Variants in EPAS1 observed in about 807,000 individuals in gnomAD.
The protein encoded by EPAS1 is endothelial PAS domain protein 1.
EPAS1 carries 23 observed loss-of-function variants against 87.9 expected under a neutral mutation model. That is an observed-to-expected ratio of 0.26 (90% confidence interval 0.19 to 0.37). EPAS1 has a LOEUF of 0.37. EPAS1 is among the 10% of genes least tolerant of loss of function. The probability of loss-of-function intolerance (pLI) is 1.00; values close to 1 mark genes in which losing one functional copy is unlikely to be tolerated. For synonymous variants in EPAS1, 508 were observed against 444.3 expected (o/e 1.14, Z -1.80); for missense variants, 1,138 against 1,120.7 (o/e 1.02, Z -0.22).
chr2:46,327,654 T>G (rs1419039454), intron 1 of EPAS1, among the ~76,000 whole-genome samples: 5 of 152,234 alleles, frequency 3.3e-5, no homozygotes, highest in Non-Finnish European at 4.4e-5. Context: ...ATGGAAGCTA[T>G]AAAGAGGCTC....
chr2:46,325,319 T>C (rs4953344), intron 1 of EPAS1, among the ~76,000 whole-genome samples: 20,855 of 152,236 alleles, frequency 0.14, 1,807 homozygotes, highest in Admixed American at 0.25. Flanking sequence ...TTTTGTCCTA[T>C]CCATTGCAGA....
At chr2:46,366,176 G>T (rs745655224) in intron 6 of EPAS1, among the ~76,000 whole-genome samples, 7 of 152,256 alleles carry the variant, frequency 4.6e-5, no homozygotes, top group African/African-American at 1.7e-4. Flanking sequence ...GAAGAAGAGC[G>T]AGCCTTCTCA....
Position 46,371,971 on chromosome 2 carries a change from A to G in EPAS1, c.886+2038A>G, listed in dbSNP as rs1266991771. On this transcript the variant is annotated intron_variant, in intron 7 of 15. Transcript: ENST00000263734. This position sits in a 1 kb window ranked among gnomAD's most constrained non-coding sequence, Gnocchi z 4.3. ...AATTGTGACTTCTGACTAGGCATAT[A>G]GAAAGGATTTTCCCTCTTGTTCTTC... Among the ~76,000 whole-genome samples, 1 of 152,236 alleles carries G rather than the reference A, an allele frequency of 6.6e-6. No homozygotes were observed. The highest frequency in any genetic ancestry group is 2.4e-5 in the African/African-American group (1 of 41,472).
intron 1 of EPAS1, among the ~76,000 whole-genome samples, chr2:46,345,211 C>T (rs1683999787): frequency 6.6e-6 from 1 of 152,070 alleles, no homozygotes; most frequent in Admixed American, 6.6e-5. Context: ...AACTCCTGGG[C>T]CCAGGTGATT....
intron 15 of EPAS1, among the ~76,000 whole-genome samples, chr2:46,383,064 G>A (rs572309281): frequency 3.9e-5 from 6 of 152,320 alleles, no homozygotes; most frequent in Middle Eastern, 6.8e-3. Context: ...GGGATCTCCC[G>A]TCTATGCAAG....
chr2:46,381,852 G>A (rs924742670), intron 13 of EPAS1, 123 bp from the exon 14 acceptor site: 16 of 1,543,752 alleles, frequency 1.0e-5, no homozygotes, highest in Non-Finnish European at 1.4e-5. Context: ...GCTGAGAGGG[G>A]TGGGGATGTG....
intron 8 of EPAS1, among the ~76,000 whole-genome samples, 162 bp from the exon 9 acceptor site, chr2:46,376,377 G>A (rs112302666): frequency 1.3e-5 from 2 of 152,280 alleles, no homozygotes; most frequent in South Asian, 2.1e-4. Context: ...TACCTCCATG[G>A]CTCACACACT....
rs1052075936 is a variant in EPAS1 at position 46,382,562 on chromosome 2, C to T, written c.2425C>T (p.Gln809Ter). 8 of 1,614,016 alleles carry T rather than the reference C, an allele frequency of 5.0e-6. No individual in the cohort carries two copies. The highest frequency in any genetic ancestry group is 5.9e-6 in the Non-Finnish European group (7 of 1,180,056). ...CCCACAGTGCTACGCCACCCAGTAC[C>T]AGGACTACAGCCTGTCGTCAGCCCA... is the stretch of plus-strand genomic sequence containing the variant. The part of the protein sequence containing the change: ...FPPQCYATQY[Q>*]DYSLSSAHKV... The change falls in exon 15 of 16, where the codon CAG (glutamine) becomes TAG (stop). Residue 809 changes from glutamine to a stop codon, truncating the protein, a stop_gained. Coordinates refer to ENST00000263734, the MANE Select transcript of EPAS1 (RefSeq NM_001430.5). LOFTEE classifies it high-confidence loss of function.
At position 46,304,700 on chromosome 2, in the gene EPAS1, T is replaced by C. The variant is rs139817003; in HGVS notation, c.26+6763T>C. Among the ~76,000 whole-genome samples, 196 of 152,320 alleles carry C rather than the reference T, an allele frequency of 1.3e-3. 1 individual carries two copies. The highest frequency in any genetic ancestry group is 4.6e-3 in the African/African-American group (190 of 41,590). On this transcript the variant is annotated intron_variant, in intron 1 of 15. Coordinates refer to ENST00000263734, the MANE Select transcript of EPAS1 (RefSeq NM_001430.5). ...CTTTCCACATCCCACCCTTCGCTGG[T>C]GGCAAGACTTCAATAATTACTTCAG... is the stretch of plus-strand genomic sequence containing the variant.
intron 1 of EPAS1, among the ~76,000 whole-genome samples, chr2:46,304,955 A>T (rs935059213): frequency 6.6e-6 from 1 of 152,254 alleles, no homozygotes; most frequent in East Asian, 1.9e-4. Context: ...CTTAACAGCC[A>T]TCACACTGTT....
intron 1 of EPAS1, among the ~76,000 whole-genome samples, chr2:46,323,569 G>A (rs1683494894): frequency 6.6e-6 from 1 of 152,186 alleles, no homozygotes; most frequent in Admixed American, 6.5e-5. Flanking sequence ...GTAGGGAACA[G>A]TAACCCTGAG....
chr2:46,351,922 G>A (rs1349869525), intron 2 of EPAS1, among the ~76,000 whole-genome samples: 3 of 152,236 alleles, frequency 2.0e-5, no homozygotes, highest in Admixed American at 2.0e-4. Flanking sequence ...CCCCACATGG[G>A]CGGTGCTGCC....
chr2:46,304,903 T>G (rs1197423797), intron 1 of EPAS1, among the ~76,000 whole-genome samples: 1 of 152,232 alleles, frequency 6.6e-6, no homozygotes, highest in African/African-American at 2.4e-5. Context: ...GATAATAGCA[T>G]GTTGCATTTC....
At chr2:46,382,334 C>T (rs913474883) in intron 14 of EPAS1, 91 bp from the exon 15 acceptor site, 2 of 1,527,662 alleles carry the variant, frequency 1.3e-6, no homozygotes, top group Non-Finnish European at 1.8e-6. Context: ...ACTCTGAGCA[C>T]CTTTTATAAA....
intron 1 of EPAS1, among the ~76,000 whole-genome samples, chr2:46,327,638 G>C (rs990625727): frequency 6.6e-6 from 1 of 152,234 alleles, no homozygotes; most frequent in African/African-American, 2.4e-5. Context: ...AAAACCGGTA[G>C]TGTGGATGGA....
intron 2 of EPAS1, 60 bp from the exon 3 acceptor site, chr2:46,356,091 C>A: frequency 1.9e-6 from 3 of 1,542,904 alleles, no homozygotes; most frequent in Non-Finnish European, 2.7e-6. Flanking sequence ...CTATCTGTGC[C>A]AGTCCCATCT....
intron 2 of EPAS1, among the ~76,000 whole-genome samples, chr2:46,353,243 G>A (rs891868609): frequency 2.6e-5 from 4 of 152,172 alleles, no homozygotes; most frequent in African/African-American, 4.8e-5. Flanking sequence ...AAGGTCACTC[G>A]TAGGATCTTT....
chr2:46,362,743 G>C (rs1010966633), intron 6 of EPAS1, among the ~76,000 whole-genome samples: 2 of 152,202 alleles, frequency 1.3e-5, no homozygotes, highest in Non-Finnish European at 2.9e-5. Context: ...GCCACCACTT[G>C]TGGCACAATT....
intron 1 of EPAS1, among the ~76,000 whole-genome samples, chr2:46,342,106 C>G (rs937626600): frequency 6.6e-6 from 1 of 152,168 alleles, no homozygotes; most frequent in Non-Finnish European, 1.5e-5. Context: ...GCACCTGAGA[C>G]CTATTAAATC....
Sources: gnomAD v4.1 joint callset for allele counts (sites outside exome capture counted in the v4.1 genomes callset) on GRCh38, gnomAD v4.1.1 for gene constraint, Gnocchi (gnomAD v3.1) non-coding constraint, MANE v1.5 for transcripts, NCBI Gene and HGNC (gene_info 2026-07-23, HGNC 2026-07-21) for gene names.